RGL1: variants seen among roughly 807,000 people sequenced by gnomAD.
The protein encoded by RGL1 is ral guanine nucleotide dissociation stimulator-like 1.
In RGL1, 24 loss-of-function variants were observed where a neutral mutation model predicts 95.2. The ratio of observed to expected loss-of-function variants is 0.25; its 90% CI spans 0.18 to 0.35. RGL1 has a LOEUF of 0.35. RGL1 is among the 10% of genes least tolerant of loss of function. The pLI, the probability that RGL1 is intolerant of heterozygous loss-of-function variation, is 1.00. For synonymous variants in RGL1, 329 were observed against 344.9 expected (o/e 0.95, Z 0.51); for missense variants, 715 against 936.3 (o/e 0.76, Z 3.08).
At chr1:183,891,914 C>T (rs531080719) in intron 8 of RGL1, among the ~76,000 whole-genome samples, 163 bp from the exon 9 acceptor site, 4 of 151,860 alleles carry the variant, frequency 2.6e-5, no homozygotes, top group South Asian at 4.2e-4. Context: ...AAAGCCATCC[C>T]GCATAAAAAA....
intron 3 of RGL1, among the ~76,000 whole-genome samples, chr1:183,857,705 T>G (rs1466017537): frequency 6.6e-6 from 1 of 152,228 alleles, no homozygotes; most frequent in East Asian, 1.9e-4. Flanking sequence ...TGTTTGAGAA[T>G]TATATCCAAC....
At chr1:183,796,996 A>G (rs746562174) in intron 2 of RGL1, among the ~76,000 whole-genome samples, 1 of 152,212 alleles carries the variant, frequency 6.6e-6, no homozygotes, top group Non-Finnish European at 1.5e-5. Context: ...TCAGTATCCA[A>G]CTTCCTCCTT....
intron 2 of RGL1, among the ~76,000 whole-genome samples, chr1:183,784,368 G>T (rs1301165115): frequency 2.0e-5 from 3 of 152,216 alleles, no homozygotes; most frequent in African/African-American, 7.2e-5. Context: ...TCTGTCAGCA[G>T]TTAGCAGGCT....
rs542901366 is a variant in RGL1, at chr1:183,885,048, T to C, written c.951+110T>C. 21 of 884,752 alleles carry C rather than the reference T, an allele frequency of 2.4e-5. 1 individual carries two copies. In the South Asian group the frequency reaches 3.8e-4, roughly 16 times the overall value. The allele number at this position is 884,752 out of a possible 1,614,324, so 54.8% of individuals were successfully genotyped here. A position where few individuals can be genotyped will look rare whatever the true frequency, so the allele number is the denominator to read the frequency against. The stretch of plus-strand genomic sequence containing the variant: ...GGTTGAAAAGGCAGTCAAAAGACCA[T>C]ATATGAGAGCCCACTGGGTTTTTGT... On this transcript the variant is annotated intron_variant, in intron 7 of 17. Transcript: ENST00000360851.
intron 1 of RGL1, among the ~76,000 whole-genome samples, chr1:183,661,578 C>T (rs926299798): frequency 4.0e-5 from 6 of 151,702 alleles, no homozygotes; most frequent in African/African-American, 4.9e-5. Context: ...AGCTTACCAA[C>T]GAAAAAGAGT....
At chr1:183,907,211 C>T (rs1370015657) in intron 14 of RGL1, 110 bp downstream of exon 14, 4 of 679,594 alleles carry the variant, frequency 5.9e-6, no homozygotes, top group East Asian at 2.7e-5. Context: ...AAGAGCACTC[C>T]GCTCATTTGT....
At chr1:183,673,812 C>G (rs1214041021) in intron 1 of RGL1, among the ~76,000 whole-genome samples, 1 of 152,152 alleles carries the variant, frequency 6.6e-6, no homozygotes, top group Non-Finnish European at 1.5e-5. Context: ...CTGCCTAAAC[C>G]AAGTGTGAAC....
intron 2 of RGL1, among the ~76,000 whole-genome samples, chr1:183,814,646 T>C (rs929435981): frequency 6.6e-6 from 1 of 152,180 alleles, no homozygotes; most frequent in Non-Finnish European, 1.5e-5. Context: ...TCATCTTTTA[T>C]AAAAATGAAG....
chr1:183,911,237 C>G (rs1314704361), intron 14 of RGL1, among the ~76,000 whole-genome samples: 2 of 152,218 alleles, frequency 1.3e-5, no homozygotes, highest in Non-Finnish European at 2.9e-5. Flanking sequence ...ACAGACCCAG[C>G]TCACACATGA....
At chr1:183,739,242 C>T (rs998114566) in intron 1 of RGL1, among the ~76,000 whole-genome samples, 2 of 152,226 alleles carry the variant, frequency 1.3e-5, no homozygotes, top group African/African-American at 4.8e-5. Context: ...CCTATGTACT[C>T]ATCAGGTGTG....
intron 1 of RGL1, chr1:183,647,961 A>G: frequency 6.2e-7 from 1 of 1,614,216 alleles, no homozygotes; most frequent in Non-Finnish European, 8.5e-7. Context: ...TCCACTCGGC[A>G]TTTGAAAAAA....
intron 2 of RGL1, among the ~76,000 whole-genome samples, chr1:183,751,646 AG>A (rs1253822733): frequency 6.6e-6 from 1 of 152,192 alleles, no homozygotes; most frequent in African/African-American, 2.4e-5. Flanking sequence ...ATGGCTGCCC[AG>A]TTTTGTGCTT....
chr1:183,875,475 G>C (rs535722001), intron 4 of RGL1, among the ~76,000 whole-genome samples: 1 of 152,158 alleles, frequency 6.6e-6, no homozygotes, highest in Non-Finnish European at 1.5e-5. Flanking sequence ...TGAAGATCGT[G>C]GGGTGGCTAG....
At chr1:183,917,621 A>G (rs1157633900) in intron 16 of RGL1, among the ~76,000 whole-genome samples, 1 of 152,236 alleles carries the variant, frequency 6.6e-6, no homozygotes, top group Non-Finnish European at 1.5e-5. Context: ...ACAAAATATC[A>G]AACATTTATT....
At chr1:183,922,420 G>T in intron 17 of RGL1, 84 bp downstream of exon 17, 1 of 974,670 alleles carries the variant, frequency 1.0e-6, no homozygotes, top group Non-Finnish European at 1.6e-6. Context: ...TTAGAAGGCA[G>T]AAAACGGATA....
chr1:183,742,742 GA>G (rs1268410445), intron 2 of RGL1, among the ~76,000 whole-genome samples: 1 of 152,114 alleles, frequency 6.6e-6, no homozygotes, highest in Non-Finnish European at 1.5e-5. Flanking sequence ...GAAAGAGAGA[GA>G]GGGGACGGGG....
chr1:183,713,376 A>AACC (rs1553273632), intron 1 of RGL1, among the ~76,000 whole-genome samples: 3 of 48,204 alleles, frequency 6.2e-5, no homozygotes, highest in African/African-American at 1.1e-4. Context: ...ATCTAGAGGC[A>AACC]CCCCCCCCCC....
At chr1:183,797,383 T>C (rs980125583) in intron 2 of RGL1, among the ~76,000 whole-genome samples, 25 of 152,194 alleles carry the variant, frequency 1.6e-4, no homozygotes, top group African/African-American at 6.0e-4. Flanking sequence ...ATGTTTGCCA[T>C]CATGGCCGGA....
At chr1:183,841,131 A>G (rs1319431520) in intron 2 of RGL1, among the ~76,000 whole-genome samples, 1 of 152,230 alleles carries the variant, frequency 6.6e-6, no homozygotes, top group Admixed American at 6.5e-5. Flanking sequence ...TACCTTGCAC[A>G]GTGCCTGGCA....
Sources: allele counts gnomAD v4.1 joint callset (sites outside exome capture counted in the v4.1 genomes callset), GRCh38; gene constraint gnomAD v4.1.1; transcripts MANE v1.5; gene names NCBI Gene and HGNC (gene_info 2026-07-23, HGNC 2026-07-21).